Variants in HDX observed in about 807,000 individuals in gnomAD.
HDX encodes highly divergent homeobox, also known as chromosome X open reading frame 43.
HDX carries 19 observed loss-of-function variants against 45.2 expected under a neutral mutation model. The observed-to-expected ratio is 0.42, with a 90% CI of 0.29 to 0.62. HDX has a LOEUF of 0.62. Among genes scored for constraint, HDX ranks in the 20% least tolerant of loss-of-function variants. The pLI is 0.20. For missense variants in HDX, 532 were observed against 493.9 expected (o/e 1.08, Z -0.73); for synonymous variants, 188 against 172.8 (o/e 1.09, Z -0.69).
At chrX:84,340,846 G>GT (rs1223502404) in intron 7 of HDX, among the ~76,000 whole-genome samples, 13 of 111,131 alleles carry the variant, frequency 1.2e-4, no homozygotes, top group African/African-American at 4.2e-4. Context: ...CTGATCAAGT[G>GT]TTTTTTGATT....
chrX:84,328,540 C>A (rs1298908234), intron 9 of HDX, among the ~76,000 whole-genome samples: 2 of 111,514 alleles, frequency 1.8e-5, no homozygotes, highest in African/African-American at 6.5e-5. Context: ...ATGAGATGAG[C>A]AACAAAGTAA....
At chrX:84,424,927 C>T (rs1032804931) in intron 5 of HDX, among the ~76,000 whole-genome samples, 4 of 108,396 alleles carry the variant, frequency 3.7e-5, no homozygotes, top group African/African-American at 9.9e-5. Flanking sequence ...GGAGCAATAC[C>T]GCACAAGGGG....
intron 9 of HDX, among the ~76,000 whole-genome samples, chrX:84,333,347 T>C (rs2036884698): frequency 9.0e-6 from 1 of 111,674 alleles, no homozygotes; most frequent in Non-Finnish European, 1.9e-5. Flanking sequence ...CTATAACAGC[T>C]GTATTATCAT....
rs754116445 is a variant in HDX at position 84,361,337 on chromosome X, A to G, written c.1452+129T>C. 1.8e-4 allele frequency: 82 copies of G among 460,394 alleles called. No individual in the cohort carries two copies. In the East Asian group the frequency reaches 3.1e-3, roughly 18 times the overall value. 37.9% of individuals were successfully genotyped at this position (460,394 alleles called of 1,213,427 possible). A position where few individuals can be genotyped will look rare whatever the true frequency, so the allele number is the denominator to read the frequency against. On this transcript the variant is annotated intron_variant, in intron 6 of 10. Coordinates refer to ENST00000373177, the MANE Select transcript of HDX (RefSeq NM_001177479.2). ...CTTATCAGATATATGATTTCAAAAT[A>G]TCTCCTATCCTGTGGGTTATCTTTT...
intron 4 of HDX, among the ~76,000 whole-genome samples, chrX:84,443,535 T>C (rs770303712): frequency 8.9e-6 from 1 of 111,956 alleles, no homozygotes; most frequent in South Asian, 3.7e-4. Context: ...GATGTTGACA[T>C]TATTCAAAGC....
chrX:84,398,303 C>T, intron 5 of HDX, among the ~76,000 whole-genome samples: 1 of 110,585 alleles, frequency 9.0e-6, no homozygotes, highest in Admixed American at 9.6e-5. Flanking sequence ...GAGTCAAGAC[C>T]CATCAATGTG....
At chrX:84,467,583 G>A (rs1459967169) in intron 4 of HDX, among the ~76,000 whole-genome samples, 4 of 104,744 alleles carry the variant, frequency 3.8e-5, no homozygotes, top group Non-Finnish European at 5.8e-5. Context: ...CCAAGATCAC[G>A]TCACTGCACT....
At chrX:84,452,434 T>C (rs971965921) in intron 4 of HDX, among the ~76,000 whole-genome samples, 1 of 105,607 alleles carries the variant, frequency 9.5e-6, no homozygotes, top group Non-Finnish European at 1.9e-5. Context: ...TAGCTAGGAA[T>C]AAATTTAACC....
At chrX:84,327,846 C>G (rs1170693802) in intron 9 of HDX, among the ~76,000 whole-genome samples, 1 of 110,700 alleles carries the variant, frequency 9.0e-6, no homozygotes, top group African/African-American at 3.3e-5. Flanking sequence ...TATTTAGAGA[C>G]AGGGACTTGC....
At chrX:84,417,212 A>T (rs868436090) in intron 5 of HDX, among the ~76,000 whole-genome samples, 1 of 54,285 alleles carries the variant, frequency 1.8e-5, no homozygotes, top group South Asian at 1.4e-3. Context: ...AGAAAGAAAA[A>T]AAAGAGAGAA....
intron 5 of HDX, among the ~76,000 whole-genome samples, chrX:84,393,197 G>A (rs112299507): frequency 0.25 from 28,101 of 110,483 alleles, 2,670 homozygotes; most frequent in Non-Finnish European, 0.3. Flanking sequence ...CGTTCTTTCT[G>A]TGCCTAGTTT....
At chrX:84,404,805 T>C (rs889988385) in intron 5 of HDX, among the ~76,000 whole-genome samples, 1 of 111,426 alleles carries the variant, frequency 9.0e-6, no homozygotes, top group African/African-American at 3.3e-5. Context: ...GAATTAAATA[T>C]TACTTCTTGG....
intron 5 of HDX, among the ~76,000 whole-genome samples, chrX:84,385,339 A>G (rs373073646): frequency 7.3e-4 from 72 of 98,614 alleles, no homozygotes; most frequent in African/African-American, 2.4e-3. Context: ...TCAGCCTCCC[A>G]AGTAGCTGGG....
At chrX:84,377,102 C>A (rs947063197) in intron 5 of HDX, among the ~76,000 whole-genome samples, 5 of 112,310 alleles carry the variant, frequency 4.5e-5, no homozygotes, top group Non-Finnish European at 9.4e-5. Flanking sequence ...TAATAAGTCT[C>A]TGTCTGGTAA....
At chrX:84,439,445 T>G (rs757635073) in intron 5 of HDX, among the ~76,000 whole-genome samples, 129 of 111,285 alleles carry the variant, frequency 1.2e-3, no homozygotes, top group African/African-American at 4.1e-3. Context: ...TTGTTGTGAT[T>G]GTTTTTGGTG....
chrX:84,398,829 T>C (rs995235387), intron 5 of HDX, among the ~76,000 whole-genome samples: 3 of 111,584 alleles, frequency 2.7e-5, no homozygotes, highest in Non-Finnish European at 5.6e-5. Context: ...AAAACACTCC[T>C]CAAAAGATGC....
At chrX:84,398,872 A>G (rs1241176331) in intron 5 of HDX, among the ~76,000 whole-genome samples, 2 of 111,774 alleles carry the variant, frequency 1.8e-5, no homozygotes, top group African/African-American at 6.5e-5. Flanking sequence ...ACAGTCCCTC[A>G]GACCACAGTA....
intron 6 of HDX, among the ~76,000 whole-genome samples, chrX:84,345,258 A>G (rs768777323): frequency 8.9e-6 from 1 of 111,807 alleles, no homozygotes; most frequent in Admixed American, 9.5e-5. Flanking sequence ...TTGATACTGT[A>G]CAATATGTGT....
At chrX:84,412,211 C>G (rs930961778) in intron 5 of HDX, among the ~76,000 whole-genome samples, 3 of 111,695 alleles carry the variant, frequency 2.7e-5, no homozygotes, top group African/African-American at 9.8e-5. Context: ...ATGCTGCTAG[C>G]AGGCTATCAC....
Sources: gnomAD v4.1 joint callset for allele counts (sites outside exome capture counted in the v4.1 genomes callset) on GRCh38, gnomAD v4.1.1 for gene constraint, MANE v1.5 for transcripts, NCBI Gene and HGNC (gene_info 2026-07-23, HGNC 2026-07-21) for gene names.